PAIP1: variants seen among roughly 807,000 people sequenced by gnomAD.
The protein encoded by PAIP1 is poly(A) binding protein interacting protein 1.
In PAIP1, 16 loss-of-function variants were observed where a neutral mutation model predicts 61.3. That is an observed-to-expected ratio of 0.26 (90% CI 0.18 to 0.40). The LOEUF (loss-of-function observed/expected upper bound fraction) is 0.40. Ranked by LOEUF, PAIP1 falls within the 10% of genes least tolerant of loss-of-function variation. The pLI is 1.00. For synonymous variants in PAIP1, 187 were observed against 226.2 expected (o/e 0.83, Z 1.56); for missense variants, 416 against 600.9 (o/e 0.69, Z 3.22).
intron 4 of PAIP1, among the ~76,000 whole-genome samples, chr5:43,541,434 G>A (rs938413408): frequency 6.7e-6 from 1 of 148,860 alleles, no homozygotes; most frequent in Non-Finnish European, 1.5e-5. Flanking sequence ...TTACAGGCAT[G>A]AGCCACTGTG....
intron 4 of PAIP1, among the ~76,000 whole-genome samples, chr5:43,541,815 T>C (rs1747426538): frequency 6.6e-6 from 1 of 151,586 alleles, no homozygotes; most frequent in African/African-American, 2.4e-5. Flanking sequence ...ATATCTAACA[T>C]ACTAGCAAGA....
intron 6 of PAIP1, 141 bp from the exon 7 acceptor site, chr5:43,535,781 CTAATATTCAGTGA>C (rs1747122740): frequency 1.7e-6 from 1 of 601,558 alleles, no homozygotes; most frequent in African/African-American, 1.9e-5. Context: ...TGTCTACCAT[CTAATATTCAGTGA>C]TCTCTACGCC....
At chr5:43,544,997 C>T (rs796569145) in intron 3 of PAIP1, among the ~76,000 whole-genome samples, 12 of 152,350 alleles carry the variant, frequency 7.9e-5, no homozygotes, top group African/African-American at 2.9e-4. Context: ...ACTATTTCCT[C>T]CTATCACAGT....
chr5:43,531,769 A>C (rs1176980467), intron 9 of PAIP1, among the ~76,000 whole-genome samples: 1 of 151,962 alleles, frequency 6.6e-6, no homozygotes, highest in African/African-American at 2.4e-5. Flanking sequence ...TATTCCTTGT[A>C]CAATTTTACT....
Position 43,547,818 on chromosome 5 carries a change from T to G in PAIP1, c.531A>C (p.Glu177Asp). The G allele has an allele frequency of 6.2e-7, 1 of 1,612,068 alleles. No individual in the cohort carries two copies. Among genetic ancestry groups the G allele is most frequent in the Non-Finnish European group, 8.5e-7 (1 of 1,178,606 alleles). ...TCTCTGCAAACTGTTCAATTTCAGT[T>G]TCAAAACTGCCAGGCTGCTCTGTAA... Reference protein sequence around the residue: ...NHLTEQPGSFETEIEQFAETL... With the variant: ...NHLTEQPGSFDTEIEQFAETL... Residue 177 changes from glutamate (E) to aspartate (D), a missense_variant, in exon 3 of 11, where the codon GAA becomes GAC. Glu to Asp is a conservative substitution (Grantham distance 45). Around this residue, in one of 4 missense-constraint regions of PAIP1, gnomAD observed 180 missense variants for 211.2 expected, o/e 0.85. Transcript: ENST00000306846.
In PAIP1 at chr5:43,554,503, C is replaced by T. The variant is rs373337549; in HGVS notation, c.435+1327G>A. Among the ~76,000 whole-genome samples the T allele has an allele frequency of 2.6e-5, 4 of 152,214 alleles. No homozygotes were observed. In the East Asian group the frequency reaches 7.7e-4, roughly 29 times the overall value. On this transcript the variant is annotated intron_variant, in intron 2 of 10. Transcript: ENST00000306846. The stretch of plus-strand genomic sequence containing the variant: ...TCCAATCCCAAAGCTTTTTCCTATA[C>T]AGCATAAGAATCATGGAGTATCTAA...
chr5:43,556,092 T>TTTAA, intron 1 of PAIP1, 93 bp from the exon 2 acceptor site: 5 of 1,490,264 alleles, frequency 3.4e-6, no homozygotes, highest in Non-Finnish European at 4.5e-6. Flanking sequence ...AAGCGTCTGT[T>TTTAA]TTTAAGAGTT....
At position 43,526,313 on chromosome 5, in the gene PAIP1, A is replaced by C. The variant is rs1204049648; in HGVS notation, c.*1063T>G. 1.3e-5 allele frequency: 2 copies of C among 152,566 alleles called. No homozygotes were observed. The highest frequency in any genetic ancestry group is 4.8e-5 in the African/African-American group (2 of 41,452). 9.5% of individuals were successfully genotyped at this position (152,566 alleles called of 1,614,324 possible). On this transcript the variant is annotated 3_prime_UTR_variant, in exon 11 of 11. Coordinates refer to ENST00000306846, the MANE Select transcript of PAIP1 (RefSeq NM_006451.5). The stretch of plus-strand genomic sequence containing the variant: ...AGCTTTATTTTCAAAGTCTAATTTT[A>C]ATTCAGACTGAACAAACAAGCAGAA...
intron 2 of PAIP1, among the ~76,000 whole-genome samples, chr5:43,549,702 CT>C (rs1561237402): frequency 6.6e-6 from 1 of 151,944 alleles, no homozygotes; most frequent in African/African-American, 2.4e-5. Flanking sequence ...ATGTTTTACA[CT>C]TTTTATTTTA....
At position 43,539,462 on chromosome 5, in the gene PAIP1, C is replaced by T. The variant is rs879489995; in HGVS notation, c.735-427G>A. Among the ~76,000 whole-genome samples the T allele has an allele frequency of 8.6e-4, 123 of 143,402 alleles. No individual in the cohort carries two copies. In the East Asian group the frequency reaches 9.3e-3, roughly 11 times the overall value. 94.1% of individuals were successfully genotyped at this position (143,402 alleles called of 152,430 possible). On this transcript the variant is annotated intron_variant, in intron 4 of 10. Coordinates refer to ENST00000306846, the MANE Select transcript of PAIP1 (RefSeq NM_006451.5). ...AAAAGGATCTTTAAATACACACACA[C>T]ACACACACACACACACACACACACA... is the stretch of plus-strand genomic sequence containing the variant.
rs1747771353 is a variant in PAIP1, at chr5:43,549,383, A to C, written c.436-1470T>G. 1.3e-5 allele frequency among the ~76,000 whole-genome samples: 2 copies of C among 152,196 alleles called. 1 individual carries two copies. The highest frequency in any genetic ancestry group is 4.1e-4 in the South Asian group (2 of 4,836). ...TTCCCATGTGTTGTGGGAGGGACCC[A>C]GGAGGGAGGTAACTGAATCAATGGG... On this transcript the variant is annotated intron_variant, in intron 2 of 10. Transcript: ENST00000306846.
chr5:43,531,127 T>C (rs930878537), intron 9 of PAIP1, among the ~76,000 whole-genome samples: 8 of 152,092 alleles, frequency 5.3e-5, no homozygotes, highest in Non-Finnish European at 8.8e-5. Flanking sequence ...TTGTAGAAAT[T>C]GGTGCCCCAG....
At chr5:43,548,920 A>G (rs769824990) in intron 2 of PAIP1, among the ~76,000 whole-genome samples, 1 of 152,196 alleles carries the variant, frequency 6.6e-6, no homozygotes, top group Non-Finnish European at 1.5e-5. Flanking sequence ...ACACCCTTAG[A>G]AATGCTCCAT....
intron 2 of PAIP1, 127 bp from the exon 3 acceptor site, chr5:43,548,040 A>G (rs922704816): frequency 3.4e-6 from 2 of 592,464 alleles, no homozygotes; most frequent in Admixed American, 3.7e-5. Context: ...GTTCATCAAT[A>G]AAATTGTCAA....
At chr5:43,531,499 A>C (rs1463635962) in intron 9 of PAIP1, among the ~76,000 whole-genome samples, 1 of 149,422 alleles carries the variant, frequency 6.7e-6, no homozygotes, top group Non-Finnish European at 1.5e-5. Context: ...AAAAAAAAAA[A>C]ATACAAAATT....
At chr5:43,531,552 G>A (rs1746929849) in intron 9 of PAIP1, among the ~76,000 whole-genome samples, 1 of 148,926 alleles carries the variant, frequency 6.7e-6, no homozygotes, top group Non-Finnish European at 1.5e-5. Context: ...AGCTACTTGG[G>A]AGGCTGAGGC....
At chr5:43,531,316 T>TA (rs11406058) in intron 9 of PAIP1, among the ~76,000 whole-genome samples, 139,715 of 142,724 alleles carry the variant, frequency 0.98, 68,440 homozygotes, top group East Asian at 1. Context: ...TGTTTTTCAT[T>TA]AAAAAAAAAA....
upstream of PAIP1, chr5:43,557,100 C>G: frequency 1.6e-6 from 1 of 606,702 alleles, no homozygotes; most frequent in East Asian, 3.8e-5. Flanking sequence ...AAACCCGGCT[C>G]CCCGCCTTCG....
chr5:43,553,101 A>T (rs925199730), intron 2 of PAIP1, among the ~76,000 whole-genome samples: 1 of 152,186 alleles, frequency 6.6e-6, no homozygotes, highest in Non-Finnish European at 1.5e-5. Flanking sequence ...CTGTCTCTTC[A>T]TCAATGCTTT....
Sources: allele counts gnomAD v4.1 joint callset (sites outside exome capture counted in the v4.1 genomes callset), GRCh38; gene constraint gnomAD v4.1.1; regional missense constraint gnomAD v4.1.1; transcripts MANE v1.5; gene names NCBI Gene and HGNC (gene_info 2026-07-23, HGNC 2026-07-21).